The following PIK3C2G variants were observed in gnomAD, a reference collection of about 807,000 sequenced individuals.
PIK3C2G encodes phosphatidylinositol-4-phosphate 3-kinase catalytic subunit type 2 gamma.
In PIK3C2G, 168 loss-of-function variants were observed where a neutral mutation model predicts 181.1. The observed-to-expected ratio is 0.93, with a 90% CI of 0.82 to 1.05. PIK3C2G has a LOEUF of 1.05. Ranked by LOEUF, PIK3C2G falls within the 50% of genes least tolerant of loss-of-function variation. The pLI, the probability that PIK3C2G is intolerant of heterozygous loss-of-function variation, is 0.00. For synonymous variants in PIK3C2G, 573 were observed against 592.2 expected (o/e 0.97, Z 0.47); for missense variants, 1,869 against 1,732.8 (o/e 1.08, Z -1.40).
chr12:18,359,605 G>A (rs138316611), intron 11 of PIK3C2G, among the ~76,000 whole-genome samples: 5 of 152,180 alleles, frequency 3.3e-5, no homozygotes, highest in African/African-American at 1.2e-4. Flanking sequence ...TGGGTGTTCT[G>A]ATATTGCTTT....
At chr12:18,586,158 C>T (rs1056809554) in intron 29 of PIK3C2G, among the ~76,000 whole-genome samples, 2 of 152,012 alleles carry the variant, frequency 1.3e-5, no homozygotes, top group Non-Finnish European at 2.9e-5. Context: ...CAAGAGCAAA[C>T]CAACCCCAAA....
At chr12:18,392,757 C>T (rs959803415) in intron 15 of PIK3C2G, among the ~76,000 whole-genome samples, 2 of 152,056 alleles carry the variant, frequency 1.3e-5, no homozygotes, top group Non-Finnish European at 2.9e-5. Context: ...AAGTAAGGAA[C>T]CTATCTTTCT....
chr12:18,636,174 G>T (rs1454380424), intron 31 of PIK3C2G, among the ~76,000 whole-genome samples: 2 of 152,204 alleles, frequency 1.3e-5, no homozygotes, highest in African/African-American at 4.8e-5. Flanking sequence ...GAAGGTGAAG[G>T]TGATTTGCTG....
intron 20 of PIK3C2G, among the ~76,000 whole-genome samples, chr12:18,492,406 T>C (rs927284527): frequency 2.0e-5 from 3 of 152,218 alleles, no homozygotes; most frequent in Non-Finnish European, 4.4e-5. Flanking sequence ...GATACCATCA[T>C]CTTTATCACT....
At chr12:18,631,204 G>T (rs1949336405) in intron 31 of PIK3C2G, among the ~76,000 whole-genome samples, 1 of 152,142 alleles carries the variant, frequency 6.6e-6, no homozygotes. Context: ...CTGTTGATAA[G>T]ACAACAACAT....
intron 3 of PIK3C2G, among the ~76,000 whole-genome samples, chr12:18,288,977 A>G (rs954432462): frequency 2.6e-5 from 4 of 152,194 alleles, no homozygotes; most frequent in Non-Finnish European, 4.4e-5. Flanking sequence ...ACATACACCA[A>G]ACAATAACTT....
chr12:18,598,827 A>G (rs1947530897), intron 30 of PIK3C2G, among the ~76,000 whole-genome samples: 1 of 151,796 alleles, frequency 6.6e-6, no homozygotes, highest in Admixed American at 6.6e-5. Context: ...CCCATCAAAA[A>G]GTGGGCGAAG....
intron 1 of PIK3C2G, among the ~76,000 whole-genome samples, chr12:18,267,826 T>C (rs74918405): frequency 2.3e-3 from 347 of 152,362 alleles, no homozygotes; most frequent in Non-Finnish European, 4.3e-3. Flanking sequence ...TTTTGTACTT[T>C]CTCATGGTAT....
At chr12:18,363,435 C>T (rs1941412933) in intron 12 of PIK3C2G, among the ~76,000 whole-genome samples, 1 of 152,036 alleles carries the variant, frequency 6.6e-6, no homozygotes, top group Non-Finnish European at 1.5e-5. Context: ...AACATTATCA[C>T]TGTCTTTCTC....
At chr12:18,635,351 G>A (rs1949545690) in intron 31 of PIK3C2G, among the ~76,000 whole-genome samples, 1 of 152,194 alleles carries the variant, frequency 6.6e-6, no homozygotes, top group Non-Finnish European at 1.5e-5. Context: ...ACGCCATCAA[G>A]GCCAGTTCAG....
At chr12:18,252,211 A>G (rs1948102020) in intron 1 of PIK3C2G, among the ~76,000 whole-genome samples, 1 of 152,154 alleles carries the variant, frequency 6.6e-6, no homozygotes, top group Non-Finnish European at 1.5e-5. Context: ...TAGAACTAAT[A>G]CGGTGCAAAT....
intron 16 of PIK3C2G, among the ~76,000 whole-genome samples, chr12:18,420,308 A>G (rs2135697990): frequency 6.6e-6 from 1 of 152,230 alleles, no homozygotes; most frequent in Admixed American, 6.5e-5. Flanking sequence ...ACAGGACTTC[A>G]AATGCTAAAT....
intron 8 of PIK3C2G, among the ~76,000 whole-genome samples, 179 bp downstream of exon 8, chr12:18,325,277 G>C (rs1269402784): frequency 1.3e-5 from 2 of 152,224 alleles, no homozygotes; most frequent in Non-Finnish European, 2.9e-5. Flanking sequence ...ATGCAGTAAA[G>C]TGCTACAGCT....
intron 11 of PIK3C2G, among the ~76,000 whole-genome samples, chr12:18,355,630 C>A (rs1466049974): frequency 1.3e-5 from 2 of 152,248 alleles, no homozygotes; most frequent in African/African-American, 4.8e-5. Flanking sequence ...ACTCCCACCA[C>A]CCCACTTAGC....
the PIK3C2G span, among the ~76,000 whole-genome samples, chr12:18,691,839 A>G: frequency 6.6e-6 from 1 of 152,200 alleles, no homozygotes; most frequent in African/African-American, 2.4e-5. Context: ...CAGACAATAC[A>G]AAAGCCAGCT....
At chr12:18,417,554 C>G (rs1197229818) in intron 16 of PIK3C2G, among the ~76,000 whole-genome samples, 1 of 152,178 alleles carries the variant, frequency 6.6e-6, no homozygotes, top group African/African-American at 2.4e-5. Flanking sequence ...GATCAGTCCA[C>G]AGGCATCAAC....
chr12:18,308,573 CTCTT>C (rs908560512), intron 5 of PIK3C2G, among the ~76,000 whole-genome samples: 2 of 151,036 alleles, frequency 1.3e-5, no homozygotes, highest in Non-Finnish European at 1.5e-5. Context: ...TGTATTAACA[CTCTT>C]TATTTCCTTT....
intron 2 of PIK3C2G, 59 bp downstream of exon 2, chr12:18,282,818 A>G (rs1949279053): frequency 4.4e-6 from 5 of 1,144,582 alleles, no homozygotes; most frequent in Non-Finnish European, 6.1e-6. Context: ...TCAATAATGT[A>G]TTGGGTTAAT....
At chr12:18,701,473 G>GT in the PIK3C2G span, 19 of 1,613,866 alleles carry the variant, frequency 1.2e-5, no homozygotes, top group Non-Finnish European at 1.6e-5. Context: ...CCAATCACTT[G>GT]TAAGATTTTC....
Sources: gnomAD v4.1 joint callset for allele counts (sites outside exome capture counted in the v4.1 genomes callset) on GRCh38, gnomAD v4.1.1 for gene constraint, MANE v1.5 for transcripts, NCBI Gene and HGNC (gene_info 2026-07-23, HGNC 2026-07-21) for gene names.